Variants in TBXAS1 observed in about 807,000 individuals in gnomAD.
The protein encoded by TBXAS1 is thromboxane-A synthase.
In TBXAS1, 48 loss-of-function variants were observed where a neutral mutation model predicts 60.7. The ratio of observed to expected loss-of-function variants is 0.79; its 90% CI spans 0.63 to 1.01. The LOEUF (loss-of-function observed/expected upper bound fraction) is 1.01, where lower values mean the gene tolerates loss of function less well. TBXAS1 is among the 50% of genes least tolerant of loss of function. The probability of loss-of-function intolerance (pLI) is 0.00; values close to 1 mark genes in which losing one functional copy is unlikely to be tolerated. For synonymous variants in TBXAS1, 287 were observed against 269.7 expected (o/e 1.06, Z -0.63); for missense variants, 685 against 686.3 (o/e 1.00, Z 0.02).
chr7:139,884,048 A>G (rs1471021989), intron 3 of TBXAS1, among the ~76,000 whole-genome samples: 1 of 152,230 alleles, frequency 6.6e-6, no homozygotes, highest in Non-Finnish European at 1.5e-5. Flanking sequence ...GACAGCCCCT[A>G]TCAGTGTGCA....
intron 9 of TBXAS1, among the ~76,000 whole-genome samples, chr7:139,979,920 T>C (rs1283062240): frequency 1.3e-5 from 2 of 151,954 alleles, no homozygotes; most frequent in East Asian, 1.9e-4. Context: ...CCATGTAACA[T>C]TGGGTTTTGC....
chr7:139,906,877 T>A (rs376098129), intron 3 of TBXAS1, among the ~76,000 whole-genome samples: 33 of 152,372 alleles, frequency 2.2e-4, no homozygotes, highest in African/African-American at 7.0e-4. Flanking sequence ...GACTTTTTTT[T>A]GTATGTTGAT....
chr7:139,880,392 T>A (rs1802607874), intron 3 of TBXAS1, among the ~76,000 whole-genome samples: 2 of 152,212 alleles, frequency 1.3e-5, no homozygotes, highest in South Asian at 4.1e-4. Context: ...GCCAGCCTTG[T>A]TGCATAACCT....
intron 4 of TBXAS1, among the ~76,000 whole-genome samples, chr7:139,801,290 C>T (rs1296796943): frequency 1.3e-5 from 2 of 152,174 alleles, no homozygotes; most frequent in African/African-American, 4.8e-5. Flanking sequence ...TTAATTTGGG[C>T]TAACATATGA....
At chr7:140,005,407 C>T (rs896563402) in intron 9 of TBXAS1, among the ~76,000 whole-genome samples, 15 of 151,800 alleles carry the variant, frequency 9.9e-5, no homozygotes, top group East Asian at 1.9e-4. Flanking sequence ...CCAGCTTGGG[C>T]GACAGAAAAA....
intron 1 of TBXAS1, among the ~76,000 whole-genome samples, chr7:139,833,611 G>C (rs1798862229): frequency 1.3e-5 from 2 of 151,966 alleles, no homozygotes; most frequent in African/African-American, 4.8e-5. Flanking sequence ...CTTAAATCTG[G>C]GAGGTGGAGG....
chr7:139,997,341 T>G (rs1813368378), intron 9 of TBXAS1, among the ~76,000 whole-genome samples: 1 of 152,236 alleles, frequency 6.6e-6, no homozygotes, highest in Admixed American at 6.5e-5. Context: ...TAGGGGCTTA[T>G]TTCTTTCAAC....
chr7:139,900,366 G>T (rs767218137), intron 3 of TBXAS1, among the ~76,000 whole-genome samples: 28 of 152,112 alleles, frequency 1.8e-4, no homozygotes, highest in Non-Finnish European at 3.7e-4. Context: ...GATGAACCCG[G>T]ATCCCACCTG....
At chr7:139,934,274 C>T (rs56045401) in intron 4 of TBXAS1, among the ~76,000 whole-genome samples, 10,625 of 151,016 alleles carry the variant, frequency 0.07, 435 homozygotes, top group South Asian at 0.11. Context: ...CTGCAACCTC[C>T]GTCTCCCAGG....
chr7:139,924,955 G>A (rs1806770798), intron 4 of TBXAS1, among the ~76,000 whole-genome samples: 1 of 152,080 alleles, frequency 6.6e-6, no homozygotes, highest in Non-Finnish European at 1.5e-5. Context: ...TTGTGAAAAT[G>A]AGTTCACTGT....
intron 9 of TBXAS1, among the ~76,000 whole-genome samples, chr7:139,965,674 T>C (rs1810730096): frequency 6.6e-6 from 1 of 152,118 alleles, no homozygotes; most frequent in East Asian, 1.9e-4. Flanking sequence ...TCCTAAGCCA[T>C]GCAAGCCACA....
intron 10 of TBXAS1, among the ~76,000 whole-genome samples, chr7:140,009,235 G>A (rs969245149): frequency 5.3e-5 from 8 of 152,218 alleles, no homozygotes; most frequent in Non-Finnish European, 1.0e-4. Context: ...AGAAACTAGA[G>A]AACCTGGGTG....
chr7:139,799,520 A>G (rs958898229), intron 4 of TBXAS1, among the ~76,000 whole-genome samples: 7 of 151,964 alleles, frequency 4.6e-5, no homozygotes, highest in Admixed American at 1.3e-4. Context: ...TGCCTGGCCT[A>G]ATTTTTAAAT....
At chr7:139,996,427 G>A (rs1244151242) in intron 9 of TBXAS1, among the ~76,000 whole-genome samples, 1 of 152,074 alleles carries the variant, frequency 6.6e-6, no homozygotes, top group East Asian at 1.9e-4. Flanking sequence ...CTATCCCAGA[G>A]GACTCATCCC....
intron 4 of TBXAS1, among the ~76,000 whole-genome samples, chr7:139,926,638 CT>C (rs1401845326): frequency 6.7e-6 from 1 of 150,070 alleles, no homozygotes; most frequent in African/African-American, 2.5e-5. Flanking sequence ...TTTATTTCTG[CT>C]GTGATCTTTA....
At chr7:139,942,079 G>A (rs533552989) in intron 5 of TBXAS1, among the ~76,000 whole-genome samples, 11 of 152,152 alleles carry the variant, frequency 7.2e-5, no homozygotes, top group Non-Finnish European at 1.5e-4. Flanking sequence ...CACAAAAGTG[G>A]CAGGTAACCT....
chr7:140,001,699 A>T (rs1390042194), intron 9 of TBXAS1, among the ~76,000 whole-genome samples: 2 of 152,172 alleles, frequency 1.3e-5, no homozygotes, highest in Admixed American at 1.3e-4. Context: ...GCCGATAAGA[A>T]TTCTTTTCTA....
chr7:139,788,030 G>A (rs73475955), intron 4 of TBXAS1, among the ~76,000 whole-genome samples: 3,307 of 152,304 alleles, frequency 0.022, 117 homozygotes, highest in African/African-American at 0.076. Flanking sequence ...ACAAAATAGT[G>A]ATGAATGTAA....
chr7:139,859,218 T>C (rs1373542039), intron 1 of TBXAS1, among the ~76,000 whole-genome samples: 2 of 144,224 alleles, frequency 1.4e-5, no homozygotes, highest in African/African-American at 5.6e-5. Flanking sequence ...TTTTTTTTTT[T>C]TGAGACGGAG....
Sources: gnomAD v4.1 joint callset for allele counts (sites outside exome capture counted in the v4.1 genomes callset) on GRCh38, gnomAD v4.1.1 for gene constraint, MANE v1.5 for transcripts, NCBI Gene and HGNC (gene_info 2026-07-23, HGNC 2026-07-21) for gene names.